Variants in PCDHGA6 observed in about 807,000 individuals in gnomAD.
The protein encoded by PCDHGA6 is protocadherin gamma subfamily A, 6, also known as protocadherin gamma-A6.
In PCDHGA6, 41 loss-of-function variants were observed where a neutral mutation model predicts 60.6. That is an observed-to-expected ratio of 0.68 (90% confidence interval 0.53 to 0.88). The LOEUF is 0.88. PCDHGA6 is among the 40% of genes least tolerant of loss of function. The pLI is 0.00. For synonymous variants in PCDHGA6, 594 were observed against 524.4 expected (o/e 1.13, Z -1.81); for missense variants, 1,312 against 1,203.0 (o/e 1.09, Z -1.34).
At chr5:141,399,624 T>C (rs1006867896) in intron 1 of PCDHGA6, 9 of 1,613,898 alleles carry the variant, frequency 5.6e-6, no homozygotes, top group African/African-American at 4.0e-5. Flanking sequence ...CACTGGCCTC[T>C]TACGTGTCCA....
At chr5:141,389,039 A>C in intron 1 of PCDHGA6, 1 of 1,613,988 alleles carries the variant, frequency 6.2e-7, no homozygotes, top group Non-Finnish European at 8.5e-7. Context: ...GTAAATTGGA[A>C]GGTGATGTTC....
chr5:141,385,483 A>T (rs981503954), intron 1 of PCDHGA6: 8 of 1,423,220 alleles, frequency 5.6e-6, no homozygotes, highest in Non-Finnish European at 7.3e-6. Context: ...TTAATATAGA[A>T]CACATAGGAT....
At chr5:141,394,186 C>T (rs1412149852) in intron 1 of PCDHGA6, 7 of 1,613,792 alleles carry the variant, frequency 4.3e-6, no homozygotes, top group South Asian at 1.1e-5. Context: ...GCCTCCTACT[C>T]AGCGTATATC....
At chr5:141,427,400 A>T in intron 1 of PCDHGA6, 1 of 461,200 alleles carries the variant, frequency 2.2e-6, no homozygotes, top group Non-Finnish European at 4.3e-6. Context: ...CACATGATAA[A>T]GATTCGAGAG....
At chr5:141,442,417 T>A (rs2098323611) in intron 1 of PCDHGA6, 1 of 152,152 alleles carries the variant, frequency 6.6e-6, no homozygotes, top group Non-Finnish European at 1.5e-5. Flanking sequence ...TGAGTGAACT[T>A]CTTTTTTGAA....
intron 1 of PCDHGA6, among the ~76,000 whole-genome samples, chr5:141,481,126 A>G (rs2099532217): frequency 6.6e-6 from 1 of 152,222 alleles, no homozygotes. Context: ...CATTTAGCAT[A>G]TTTGTGAAGT....
chr5:141,387,244 C>T (rs1267995802), intron 1 of PCDHGA6, among the ~76,000 whole-genome samples: 2 of 152,024 alleles, frequency 1.3e-5, no homozygotes, highest in South Asian at 2.1e-4. Context: ...CTTGGAGGTA[C>T]TTAGAAAAGT....
chr5:141,383,077 G>A (rs1415482680), intron 1 of PCDHGA6: 2 of 1,613,774 alleles, frequency 1.2e-6, no homozygotes, highest in African/African-American at 2.7e-5. Flanking sequence ...CCGGGAGCTG[G>A]CGGAGCGCGG....
At chr5:141,443,113 T>C (rs2098364390) in intron 1 of PCDHGA6, among the ~76,000 whole-genome samples, 1 of 152,040 alleles carries the variant, frequency 6.6e-6, no homozygotes, top group African/African-American at 2.4e-5. Flanking sequence ...ACCTTGCTTT[T>C]CAAACCAGAT....
At chr5:141,401,239 G>A (rs1024455506) in intron 1 of PCDHGA6, among the ~76,000 whole-genome samples, 6 of 152,154 alleles carry the variant, frequency 3.9e-5, no homozygotes, top group Admixed American at 6.5e-5. Flanking sequence ...CTACTCAGGA[G>A]GCTAAGACAG....
chr5:141,474,105 C>A (rs1292743515), intron 1 of PCDHGA6, among the ~76,000 whole-genome samples: 1 of 152,036 alleles, frequency 6.6e-6, no homozygotes, highest in African/African-American at 2.4e-5. Flanking sequence ...ACAACAAAAA[C>A]AACAACAACG....
intron 1 of PCDHGA6, chr5:141,414,150 A>C (rs750190499): frequency 6.2e-7 from 1 of 1,600,176 alleles, no homozygotes; most frequent in African/African-American, 1.3e-5. Context: ...AAATACAAGC[A>C]GAAGATGGAG....
At chr5:141,380,579 G>A (rs892018372) in intron 1 of PCDHGA6, among the ~76,000 whole-genome samples, 1 of 152,134 alleles carries the variant, frequency 6.6e-6, no homozygotes, top group Non-Finnish European at 1.5e-5. Context: ...TATCTTGGCG[G>A]TCTAGTAAAG....
intron 3 of PCDHGA6, among the ~76,000 whole-genome samples, chr5:141,510,511 T>C (rs2099881465): frequency 6.6e-6 from 1 of 152,142 alleles, no homozygotes; most frequent in Non-Finnish European, 1.5e-5. Context: ...TGAGAGCCCG[T>C]GTCACAGCCC....
Position 141,476,538 on chromosome 5 carries a change from A to G in PCDHGA6, c.2425-18269A>G, listed in dbSNP as rs2099393283. ...CCTGCTTTCCCTACCCAGGAAATGAAATTGGAGATTAGCGAGGCCGTGGCT... is the reference window on the plus strand; with the variant it reads ...CCTGCTTTCCCTACCCAGGAAATGAGATTGGAGATTAGCGAGGCCGTGGCT... On this transcript the variant is annotated intron_variant, in intron 1 of 3. Coordinates refer to ENST00000517434, the MANE Select transcript of PCDHGA6 (RefSeq NM_018919.3). The surrounding 1 kb of genome is among the most constrained non-coding windows in gnomAD (Gnocchi z 7.6). 1.2e-6 allele frequency: 2 copies of G among 1,614,162 alleles called. No homozygotes were observed. Among genetic ancestry groups the G allele is most frequent in the Non-Finnish European group, 1.7e-6 (2 of 1,180,042 alleles).
At position 141,490,346 on chromosome 5, in the gene PCDHGA6, T is replaced by G. The variant is rs1396321935; in HGVS notation, c.2425-4461T>G. 1.2e-6 allele frequency: 2 copies of G among 1,614,046 alleles called. No individual in the cohort carries two copies. Among genetic ancestry groups the G allele is most frequent in the African/African-American group, 2.7e-5 (2 of 74,900 alleles). ...GAGAGCACACCAGTGGGCACAGTAG[T>G]GGGGTTGTTTAATGTGCGAGACCGG... On this transcript the variant is annotated intron_variant, in intron 1 of 3. Coordinates refer to ENST00000517434, the MANE Select transcript of PCDHGA6 (RefSeq NM_018919.3). This position sits in a 1 kb window ranked among gnomAD's most constrained non-coding sequence, Gnocchi z 5.4.
intron 1 of PCDHGA6, chr5:141,389,945 G>A (rs2150405694): frequency 1.9e-6 from 3 of 1,614,056 alleles, no homozygotes; most frequent in Middle Eastern, 1.6e-4. Context: ...CTGAGCTGCA[G>A]TTTTACCTAG....
In PCDHGA6 at chr5:141,385,425, T is replaced by C; in HGVS notation, c.2424+8918T>C. On this transcript the variant is annotated intron_variant, in intron 1 of 3. Coordinates refer to ENST00000517434, the MANE Select transcript of PCDHGA6 (RefSeq NM_018919.3). The stretch of plus-strand genomic sequence containing the variant: ...TTTTGAAAATAGGGATTTAAAAAAC[T>C]TTATAGAGGTAAAAATGAGTTTACC... The C allele has an allele frequency of 2.7e-6, 4 of 1,460,336 alleles. No individual in the cohort carries two copies. The South Asian group carries it at 4.4e-5, about 16-fold the overall frequency. The allele number at this position is 1,460,336 out of a possible 1,614,324, so 90.5% of individuals were successfully genotyped here. A position where few individuals can be genotyped will look rare whatever the true frequency, so the allele number is the denominator to read the frequency against.
At chr5:141,421,973 G>C in intron 1 of PCDHGA6, 1 of 1,610,100 alleles carries the variant, frequency 6.2e-7, no homozygotes, top group Non-Finnish European at 8.5e-7. Context: ...TCCGTATATC[G>C]CGTGAGTGTT....
Sources: gnomAD v4.1 joint callset for allele counts (sites outside exome capture counted in the v4.1 genomes callset) on GRCh38, gnomAD v4.1.1 for gene constraint, Gnocchi (gnomAD v3.1) non-coding constraint, MANE v1.5 for transcripts, NCBI Gene and HGNC (gene_info 2026-07-23, HGNC 2026-07-21) for gene names.